The following ESPL1 variants were observed in gnomAD, a reference collection of about 807,000 sequenced individuals.
ESPL1 encodes the protein separin.
A neutral mutation model predicts 217.2 loss-of-function variants in ESPL1; 50 were observed. The observed-to-expected ratio is 0.23, with a 90% CI of 0.18 to 0.29. ESPL1 has a LOEUF of 0.29. ESPL1 is among the 10% of genes least tolerant of loss of function. The probability of loss-of-function intolerance (pLI) is 1.00; values close to 1 mark genes in which losing one functional copy is unlikely to be tolerated. For missense variants in ESPL1, 1,834 were observed against 2,603.0 expected, an observed-to-expected ratio of 0.70 and a Z score of 6.43; for synonymous variants, 994 against 1,081.3, an observed-to-expected ratio of 0.92 and a Z score of 1.58.
chr12:53,268,505 C>G (rs1943607926), intron 1 of ESPL1, 128 bp downstream of exon 1: 1 of 475,080 alleles, frequency 2.1e-6, no homozygotes, highest in Admixed American at 3.7e-5. Flanking sequence ...TGCCCCGGGC[C>G]GCTGAAGGGC....
Position 53,292,322 on chromosome 12 carries a change from T to C in ESPL1, c.5841T>C (p.Ser1947=). The part of the protein sequence containing the change: ...PVLSQGVDPR[S]TFYVLNPHNN... ...TGAGTCAAGGGGTGGATCCACGAAG[T>C]ACCTTCTATGTCCTGAACCCTCACA... The change falls in exon 28 of 31, where the codon AGT becomes AGC. Residue 1947 remains serine (S), a synonymous_variant. Transcript: ENST00000257934. This position sits in a 1 kb window ranked among gnomAD's most constrained non-coding sequence, Gnocchi z 4.5. 1 of 1,614,056 alleles carries C rather than the reference T, an allele frequency of 6.2e-7. No individual in the cohort carries two copies. The highest frequency in any genetic ancestry group is 8.5e-7 in the Non-Finnish European group (1 of 1,179,992).
chr12:53,270,012 T>C lies in ESPL1; in HGVS notation c.1070T>C (p.Leu357Pro), dbSNP rs1454423740. 3.7e-6 allele frequency: 6 copies of C among 1,614,110 alleles called. No homozygotes were observed. The East Asian group carries it at 1.3e-4, about 36-fold the overall frequency. ...LERGTKRRYR[L>P]DAILSLFAFL... ...CGAGGCACCAAGAGGCGCTATAGAC[T>C]TGATGCCATTCTGAGCCTCTTTGCT... The change falls in exon 3 of 31, where the codon CTT (leucine) becomes CCT (proline). Residue 357 changes from leucine (L) to proline (P), a missense_variant. This residue lies in a region of ESPL1 where 746 missense variants were observed against 1,077.0 expected (regional missense o/e 0.69). Transcript: ENST00000257934.
intron 7 of ESPL1, among the ~76,000 whole-genome samples, chr12:53,275,917 A>G (rs1943759151): frequency 6.6e-6 from 1 of 152,140 alleles, no homozygotes; most frequent in African/African-American, 2.4e-5. Flanking sequence ...AAGAGGGAGC[A>G]ACTTGAGGTG....
Position 53,292,608 on chromosome 12 carries a change from C to T in ESPL1, c.5947C>T (p.Pro1983Ser). The change falls in exon 29 of 31, where the codon CCA becomes TCA. Residue 1983 changes from proline (P) to serine (S), a missense_variant. Pro to Ser is a moderately conservative substitution (Grantham distance 74). Coordinates refer to ENST00000257934, the MANE Select transcript of ESPL1 (RefSeq NM_012291.5). The surrounding 1 kb of genome is among the most constrained non-coding windows in gnomAD (Gnocchi z 4.5). ...CTGGAGAGGAGTGGTTGGGGAGGTG[C>T]CAAGACCTGAACAGGTGCAGGAAGC... is the stretch of plus-strand genomic sequence containing the variant. ...AGWRGVVGEV[P>S]RPEQVQEALT... The T allele has an allele frequency of 2.5e-6, 4 of 1,612,684 alleles. No individual in the cohort carries two copies. Among genetic ancestry groups the T allele is most frequent in the Non-Finnish European group, 3.4e-6 (4 of 1,179,974 alleles).
rs762769326 is a variant in ESPL1, at chr12:53,292,936, G to A, written c.6127G>A (p.Ala2043Thr). 14 of 1,613,896 alleles carry A rather than the reference G, an allele frequency of 8.7e-6. No individual in the cohort carries two copies. In the South Asian group the frequency reaches 1.5e-4, roughly 18 times the overall value. Residue 2043 changes from alanine (A) to threonine (T), a missense_variant, in exon 30 of 31, where the codon GCT (alanine) becomes ACT (threonine). This residue lies in a region of ESPL1 where 295 missense variants were observed against 519.8 expected (regional missense o/e 0.57). Transcript: ENST00000257934. This position sits in a 1 kb window ranked among gnomAD's most constrained non-coding sequence, Gnocchi z 4.5. ...GGCTGTGCGTGGAAACCTGGAGGGG[G>A]CTGGCATCGTGCTCAAGTACATCAT... ...ALAVRGNLEG[A>T]GIVLKYIMAG...
rs777853762 is a variant in ESPL1 at position 53,293,060 on chromosome 12, T to G, written c.6161+90T>G. On this transcript the variant is annotated intron_variant, in intron 30 of 30. Transcript: ENST00000257934. This position sits in a 1 kb window ranked among gnomAD's most constrained non-coding sequence, Gnocchi z 4.2. ...TCCCAGGTCTGAATCTTGCCTCTCTTGTGCCCCATTTTCCTCCTATCCTAG... is the reference window on the plus strand; with the variant it reads ...TCCCAGGTCTGAATCTTGCCTCTCTGGTGCCCCATTTTCCTCCTATCCTAG... The G allele has an allele frequency of 4.6e-6, 6 of 1,312,902 alleles. No homozygotes were observed. Among genetic ancestry groups the G allele is most frequent in the Non-Finnish European group, 6.3e-6 (6 of 948,488 alleles). 81.3% of individuals were successfully genotyped at this position (1,312,902 alleles called of 1,614,324 possible). A position where few individuals can be genotyped will look rare whatever the true frequency, so the allele number is the denominator to read the frequency against.
At position 53,288,554 on chromosome 12, in the gene ESPL1, TC is replaced by T. The variant is rs769079229; in HGVS notation, c.4565del (p.Pro1522ArgfsTer13). On this transcript the variant is annotated frameshift_variant, in exon 20 of 31. Coordinates refer to ENST00000257934, the MANE Select transcript of ESPL1 (RefSeq NM_012291.5). LOFTEE classifies it high-confidence loss of function. The part of the protein sequence containing the change: ...DSASGGKTPA[P>X]GPEAASGEWE... ...TCTCCCCAGGTGGGAAGACTCCAGC[TC>T]CGGGCCCTGAGGCAGCTTCTGGAGA... 6.2e-7 allele frequency: 1 copy of T among 1,612,892 alleles called. No individual in the cohort carries two copies. Among genetic ancestry groups the T allele is most frequent in the Non-Finnish European group, 8.5e-7 (1 of 1,179,648 alleles).
intron 5 of ESPL1, 45 bp from the exon 6 acceptor site, chr12:53,272,676 G>A (rs973055150): frequency 6.3e-7 from 1 of 1,599,946 alleles, no homozygotes; most frequent in Non-Finnish European, 8.5e-7. Context: ...GGAGAGGGTG[G>A]TGGGAGCCTT....
Position 53,289,415 on chromosome 12 carries a change from A to G in ESPL1, c.4934A>G (p.Lys1645Arg). The change falls in exon 22 of 31, where the codon AAG (lysine) becomes AGG (arginine). Residue 1645 changes from lysine (K) to arginine (R), a missense_variant. Physicochemically the swap from Lys to Arg is conservative, Grantham distance 26. Transcript: ENST00000257934. ...HLHRQLSKAQ[K>R]HRGSLEIADQ... ...CGTGTTGCTTGCAGCAAGGCCCAGA[A>G]GCACCGAGGATCACTTGAAATAGCA... 6.2e-7 allele frequency: 1 copy of G among 1,613,746 alleles called. No individual in the cohort carries two copies. Among genetic ancestry groups the G allele is most frequent in the Non-Finnish European group, 8.5e-7 (1 of 1,179,930 alleles).
rs187569387 is a variant in ESPL1 at position 53,284,199 on chromosome 12, G to T, written c.3187+32G>T. The T allele has an allele frequency of 1.4e-5, 19 of 1,311,678 alleles. No homozygotes were observed. The Admixed American group carries it at 2.2e-4, about 15-fold the overall frequency. The allele number at this position is 1,311,678 out of a possible 1,614,324, so 81.3% of individuals were successfully genotyped here. A position where few individuals can be genotyped will look rare whatever the true frequency, so the allele number is the denominator to read the frequency against. ...AGCCATGTCCCCATGACCATAGGCG[G>T]TGCTGAAATGACACACACTACAGCA... On this transcript the variant is annotated intron_variant, in intron 17 of 30. Coordinates refer to ENST00000257934, the MANE Select transcript of ESPL1 (RefSeq NM_012291.5).
rs759035566 is a variant in ESPL1, at chr12:53,289,385, C to CGGGG, written c.4923-19_4923-18insGGGG. The stretch of plus-strand genomic sequence containing the variant: ...ACTTTGAAGGAATGGGACCTCACCC[C>CGGGG]TCCCCGTGTTGCTTGCAGCAAGGCC... On this transcript the variant is annotated intron_variant, in intron 21 of 30. Transcript: ENST00000257934. The CGGGG allele has an allele frequency of 1.9e-6, 3 of 1,611,496 alleles. No homozygotes were observed. Among genetic ancestry groups the CGGGG allele is most frequent in the Non-Finnish European group, 2.5e-6 (3 of 1,179,044 alleles).
Position 53,268,383 on chromosome 12 carries a change from G to C in ESPL1, c.-13+6G>C. The stretch of plus-strand genomic sequence containing the variant: ...AGAGGGCGAGCTCTGGGGCGGTAAG[G>C]CCGGAAGGGACTCGTGAGCGTGGGT... On this transcript the variant is annotated splice_donor_region_variant and intron_variant, in intron 1 of 30. Transcript: ENST00000257934. 1 of 223,226 alleles carries C rather than the reference G, an allele frequency of 4.5e-6. No homozygotes were observed. Among genetic ancestry groups the C allele is most frequent in the Non-Finnish European group, 9.0e-6 (1 of 110,902 alleles). 13.8% of individuals were successfully genotyped at this position (223,226 alleles called of 1,614,324 possible). A position where few individuals can be genotyped will look rare whatever the true frequency, so the allele number is the denominator to read the frequency against.
intron 7 of ESPL1, among the ~76,000 whole-genome samples, chr12:53,275,726 CTT>C (rs560945425): frequency 1.7e-4 from 22 of 129,468 alleles, no homozygotes; most frequent in Admixed American, 2.4e-4. Flanking sequence ...GTGTCTGTTC[CTT>C]TTTTTTTTTT....
chr12:53,278,055 G>C (rs1943801062), intron 11 of ESPL1, 95 bp downstream of exon 11: 1 of 1,294,080 alleles, frequency 7.7e-7, no homozygotes, highest in Admixed American at 2.1e-5. Context: ...CTCCTGAGAA[G>C]CCATGAAAGC....
chr12:53,286,268 G>C lies in ESPL1; in HGVS notation c.3532G>C (p.Ala1178Pro), dbSNP rs202075440. The change falls in exon 18 of 31, where the codon GCC becomes CCC. Residue 1178 changes from alanine to proline, a missense_variant. By Grantham distance (27) the Ala-to-Pro change is conservative. This residue lies in a region of ESPL1 where 681 missense variants were observed against 808.0 expected (regional missense o/e 0.84). Coordinates refer to ENST00000257934, the MANE Select transcript of ESPL1 (RefSeq NM_012291.5). The surrounding 1 kb of genome is among the most constrained non-coding windows in gnomAD (Gnocchi z 5.3). ...GGTGAGGCTGGCCATGGGCCACCAA[G>C]CCCAGGGTCTGGATCTGCTGCAGGT... is the stretch of plus-strand genomic sequence containing the variant. The part of the protein sequence containing the change: ...AGVRLAMGHQ[A>P]QGLDLLQVVL... 2.5e-6 allele frequency: 4 copies of C among 1,614,204 alleles called. No homozygotes were observed. The highest frequency in any genetic ancestry group is 1.6e-4 in the Middle Eastern group (1 of 6,062).
chr12:53,284,271 A>T, intron 17 of ESPL1, 104 bp downstream of exon 17: 4 of 769,382 alleles, frequency 5.2e-6, no homozygotes, highest in Non-Finnish European at 9.1e-6. Context: ...TTTTTGAGAC[A>T]GAGTCTCACT....
At chr12:53,273,905 GA>G (rs1432144443) in intron 6 of ESPL1, among the ~76,000 whole-genome samples, 2 of 121,676 alleles carry the variant, frequency 1.6e-5, no homozygotes, top group Non-Finnish European at 3.2e-5. Context: ...ACCCAGGCTG[GA>G]GTGCAGTGGC....
chr12:53,288,005 C>A lies in ESPL1; in HGVS notation c.4210C>A (p.Pro1404Thr), dbSNP rs766119226. Reference sequence around the variant, plus strand: ...CAGTGATGACAGTGACTTGGAAGACCCTGTCTCAGCTGAGGCCTGGCTGGC... The same window carrying A: ...CAGTGATGACAGTGACTTGGAAGACACTGTCTCAGCTGAGGCCTGGCTGGC... Reference protein sequence around the residue: ...NFSDDSDLEDPVSAEAWLAEE... With the variant: ...NFSDDSDLEDTVSAEAWLAEE... Residue 1404 changes from proline (P) to threonine (T), a missense_variant, in exon 19 of 31, where the codon CCT becomes ACT. Coordinates refer to ENST00000257934, the MANE Select transcript of ESPL1 (RefSeq NM_012291.5). 6.2e-7 allele frequency: 1 copy of A among 1,610,796 alleles called. No homozygotes were observed. Among genetic ancestry groups the A allele is most frequent in the Non-Finnish European group, 8.5e-7 (1 of 1,178,662 alleles).
At position 53,279,713 on chromosome 12, in the gene ESPL1, G is replaced by A. The variant is rs900148794; in HGVS notation, c.2365-19G>A. The A allele has an allele frequency of 6.2e-7, 1 of 1,613,928 alleles. No individual in the cohort carries two copies. The highest frequency in any genetic ancestry group is 8.5e-7 in the Non-Finnish European group (1 of 1,179,934). On this transcript the variant is annotated intron_variant, in intron 11 of 30. Transcript: ENST00000257934. Reference sequence around the variant, plus strand: ...GCTTGAGCAGGGGTGGAGTAAACTTGGCTGCTTCTGCTGACCAGCCCATGC... The same window carrying A: ...GCTTGAGCAGGGGTGGAGTAAACTTAGCTGCTTCTGCTGACCAGCCCATGC...
Sources: allele counts gnomAD v4.1 joint callset (sites outside exome capture counted in the v4.1 genomes callset), GRCh38; gene constraint gnomAD v4.1.1; regional missense constraint gnomAD v4.1.1; non-coding constraint Gnocchi (gnomAD v3.1); transcripts MANE v1.5; gene names NCBI Gene and HGNC (gene_info 2026-07-23, HGNC 2026-07-21).